Variants in XKR9 observed in about 807,000 individuals in gnomAD.
XKR9 encodes XK-related protein 9.
Under a neutral mutation model 32.0 loss-of-function variants are expected in XKR9, and 32 were observed. That is an observed-to-expected ratio of 1.00 (90% CI 0.76 to 1.34). XKR9 has a LOEUF of 1.34. XKR9 is among the 40% of genes most tolerant of loss of function. The pLI, the probability that XKR9 is intolerant of heterozygous loss-of-function variation, is 0.00. For missense variants in XKR9, 546 were observed against 429.7 expected (o/e 1.27, Z -2.39); for synonymous variants, 168 against 143.4 (o/e 1.17, Z -1.22).
intron 2 of XKR9, among the ~76,000 whole-genome samples, chr8:70,751,043 G>A (rs1420863340): frequency 1.3e-5 from 2 of 152,160 alleles, no homozygotes; most frequent in Admixed American, 6.5e-5. Context: ...CTGGCCTTCC[G>A]ACTTGAACTG....
chr8:70,822,748 T>G, the XKR9 span, among the ~76,000 whole-genome samples: 17 of 149,958 alleles, frequency 1.1e-4, no homozygotes, highest in Admixed American at 1.1e-3. Flanking sequence ...CCAACCCCAG[T>G]TTTTTAAGAC....
chr8:70,915,330 G>C, the XKR9 span, among the ~76,000 whole-genome samples: 1 of 152,142 alleles, frequency 6.6e-6, no homozygotes, highest in Non-Finnish European at 1.5e-5. Context: ...TCCAAAGGTA[G>C]TCTTGTTCCC....
the XKR9 span, among the ~76,000 whole-genome samples, chr8:71,009,717 C>A: frequency 6.6e-6 from 1 of 152,298 alleles, no homozygotes; most frequent in East Asian, 1.9e-4. Flanking sequence ...CTGGCTCATT[C>A]AAGCAACTCC....
chr8:70,807,079 C>T, the XKR9 span, among the ~76,000 whole-genome samples: 2 of 152,096 alleles, frequency 1.3e-5, no homozygotes, highest in East Asian at 3.9e-4. Context: ...CAGCAGAAAC[C>T]GTACAAGGCA....
the XKR9 span, among the ~76,000 whole-genome samples, chr8:70,867,072 A>C: frequency 2.0e-5 from 3 of 152,154 alleles, no homozygotes; most frequent in African/African-American, 7.2e-5. Flanking sequence ...ATACGGGAAA[A>C]AGGGTTTAAT....
At chr8:71,037,230 A>G in the XKR9 span, among the ~76,000 whole-genome samples, 3 of 152,188 alleles carry the variant, frequency 2.0e-5, no homozygotes, top group African/African-American at 7.2e-5. Flanking sequence ...ATCTTTTAGA[A>G]CATGTAAATT....
At chr8:71,040,954 C>T in the XKR9 span, among the ~76,000 whole-genome samples, 1 of 152,010 alleles carries the variant, frequency 6.6e-6, no homozygotes, top group East Asian at 1.9e-4. Context: ...ATGGTCTGAA[C>T]ATAGAAAAAA....
At chr8:70,966,476 TGA>T in the XKR9 span, among the ~76,000 whole-genome samples, 1 of 152,202 alleles carries the variant, frequency 6.6e-6, no homozygotes, top group Non-Finnish European at 1.5e-5. Context: ...CACAGTCTTG[TGA>T]GAGACTGTTG....
the XKR9 span, among the ~76,000 whole-genome samples, chr8:70,874,209 G>A: frequency 1.4e-4 from 22 of 152,188 alleles, no homozygotes; most frequent in South Asian, 4.1e-4. Context: ...TTGCTTTATC[G>A]TGGTGGTCTG....
the XKR9 span, among the ~76,000 whole-genome samples, chr8:70,834,340 T>C: frequency 1.3e-5 from 2 of 152,134 alleles, no homozygotes; most frequent in Admixed American, 1.3e-4. Flanking sequence ...ATTTATTCTT[T>C]CTTTGTTGAG....
the XKR9 span, among the ~76,000 whole-genome samples, chr8:70,872,552 C>T: frequency 6.6e-6 from 1 of 152,220 alleles, no homozygotes; most frequent in African/African-American, 2.4e-5. Context: ...AACTGCCTTA[C>T]ATTGGTAGAA....
chr8:70,747,603 C>T (rs1418498143), intron 2 of XKR9, among the ~76,000 whole-genome samples: 2 of 152,144 alleles, frequency 1.3e-5, no homozygotes, highest in African/African-American at 4.8e-5. Flanking sequence ...ACTTCCCAGC[C>T]TCCTGAACTG....
At chr8:70,745,537 T>G (rs1313360193) in intron 2 of XKR9, among the ~76,000 whole-genome samples, 1 of 152,164 alleles carries the variant, frequency 6.6e-6, no homozygotes, top group Non-Finnish European at 1.5e-5. Flanking sequence ...CTGGCCCCTA[T>G]CCTGAGTTTC....
intron 4 of XKR9, among the ~76,000 whole-genome samples, chr8:70,720,694 A>T (rs939840988): frequency 6.6e-6 from 1 of 152,190 alleles, no homozygotes; most frequent in East Asian, 1.9e-4. Context: ...TGCTGGATAC[A>T]GTTTGCCAGT....
chr8:70,857,326 T>C, the XKR9 span, among the ~76,000 whole-genome samples: 1 of 152,074 alleles, frequency 6.6e-6, no homozygotes, highest in South Asian at 2.1e-4. Flanking sequence ...CAAACTACCA[T>C]CAGAGAATAC....
At chr8:70,983,135 G>A in the XKR9 span, among the ~76,000 whole-genome samples, 2 of 152,118 alleles carry the variant, frequency 1.3e-5, no homozygotes, top group East Asian at 1.9e-4. Context: ...TTCTCATCTC[G>A]AATGCACAAT....
the XKR9 span, among the ~76,000 whole-genome samples, chr8:70,960,874 GAA>G: frequency 3.2e-4 from 41 of 128,458 alleles, no homozygotes; most frequent in Middle Eastern, 4.0e-3. Context: ...CCTGTCTTAA[GAA>G]AAAAAAAAAA....
At chr8:70,849,480 A>T in the XKR9 span, among the ~76,000 whole-genome samples, 1 of 152,234 alleles carries the variant, frequency 6.6e-6, no homozygotes, top group African/African-American at 2.4e-5. Flanking sequence ...TTAGAGTGAA[A>T]TTTATAGCAC....
chr8:70,969,410 A>G, the XKR9 span, among the ~76,000 whole-genome samples: 1 of 152,222 alleles, frequency 6.6e-6, no homozygotes, highest in Non-Finnish European at 1.5e-5. Flanking sequence ...TCATTAGAAA[A>G]GTCAGACTGG....
Sources: gnomAD v4.1 joint callset for allele counts (sites outside exome capture counted in the v4.1 genomes callset) on GRCh38, gnomAD v4.1.1 for gene constraint, MANE v1.5 for transcripts, NCBI Gene and HGNC (gene_info 2026-07-23, HGNC 2026-07-21) for gene names.